CSMD1: variants seen among roughly 807,000 people sequenced by gnomAD.
CSMD1 encodes the protein CUB and Sushi multiple domains 1.
CSMD1 carries 213 observed loss-of-function variants against 417.5 expected under a neutral mutation model. The observed-to-expected ratio is 0.51, with a 90% confidence interval of 0.46 to 0.57. CSMD1 has a LOEUF of 0.57. Among genes scored for constraint, CSMD1 ranks in the 20% least tolerant of loss-of-function variants. CSMD1 has a pLI of 0.00. For synonymous variants in CSMD1, 2,862 were observed against 1,736.8 expected (o/e 1.65, Z -16.11); for missense variants, 6,923 against 4,529.7 (o/e 1.53, Z -15.17).
chr8:4,076,413 T>C (rs1301491908), intron 3 of CSMD1, among the ~76,000 whole-genome samples: 2 of 152,204 alleles, frequency 1.3e-5, no homozygotes, highest in Non-Finnish European at 2.9e-5. Context: ...AATGGACTAA[T>C]ACAATAAGCA....
chr8:3,549,779 C>T (rs1342620827), intron 10 of CSMD1, among the ~76,000 whole-genome samples: 1 of 152,100 alleles, frequency 6.6e-6, no homozygotes, highest in Non-Finnish European at 1.5e-5. Flanking sequence ...GAGTTTTCAG[C>T]CTCCACAACT....
intron 18 of CSMD1, among the ~76,000 whole-genome samples, chr8:3,381,760 G>C (rs1810642536): frequency 6.6e-6 from 1 of 152,152 alleles, no homozygotes; most frequent in African/African-American, 2.4e-5. Context: ...AAAAAATGTA[G>C]AGTGAAAAAT....
intron 15 of CSMD1, among the ~76,000 whole-genome samples, chr8:3,400,524 T>C (rs746965518): frequency 1.3e-5 from 2 of 152,046 alleles, no homozygotes; most frequent in Non-Finnish European, 1.5e-5. Context: ...TTAATTTACG[T>C]CAGGAAACAA....
chr8:3,925,455 G>C (rs1809585827), intron 5 of CSMD1, among the ~76,000 whole-genome samples: 1 of 152,172 alleles, frequency 6.6e-6, no homozygotes, highest in Admixed American at 6.5e-5. Context: ...CTGAAATACA[G>C]TTCAAAAGAT....
chr8:3,463,897 G>C, intron 12 of CSMD1, among the ~76,000 whole-genome samples: 1 of 152,088 alleles, frequency 6.6e-6, no homozygotes, highest in South Asian at 2.1e-4. Context: ...TACACCCTAG[G>C]AGCACAGACC....
chr8:4,850,490 T>A (rs1288528941), intron 1 of CSMD1, among the ~76,000 whole-genome samples: 2 of 150,820 alleles, frequency 1.3e-5, no homozygotes, highest in South Asian at 2.1e-4. Context: ...ACATGACAAT[T>A]GCAAACATTG....
chr8:3,473,887 G>T (rs1021989048), intron 11 of CSMD1, among the ~76,000 whole-genome samples: 4 of 152,086 alleles, frequency 2.6e-5, no homozygotes, highest in African/African-American at 9.7e-5. Flanking sequence ...TACAATCATG[G>T]TAGAGGGTGA....
intron 1 of CSMD1, among the ~76,000 whole-genome samples, chr8:4,990,975 T>C (rs2117478270): frequency 6.6e-6 from 1 of 152,288 alleles, no homozygotes; most frequent in East Asian, 1.9e-4. Flanking sequence ...CTTTAACGAA[T>C]GTTCCACCTT....
At chr8:4,955,176 C>T (rs758295127) in intron 1 of CSMD1, among the ~76,000 whole-genome samples, 7 of 152,180 alleles carry the variant, frequency 4.6e-5, no homozygotes, top group Non-Finnish European at 7.4e-5. Context: ...TGCAGACCTA[C>T]GGGGCTGTTC....
At chr8:3,474,476 A>G (rs994862753) in intron 11 of CSMD1, among the ~76,000 whole-genome samples, 1 of 152,134 alleles carries the variant, frequency 6.6e-6, no homozygotes, top group Non-Finnish European at 1.5e-5. Context: ...CCATCCACCA[A>G]AAATTTGGTA....
At chr8:4,366,537 C>G (rs1236449964) in intron 3 of CSMD1, among the ~76,000 whole-genome samples, 1 of 152,106 alleles carries the variant, frequency 6.6e-6, no homozygotes, top group East Asian at 1.9e-4. Context: ...ATTTGCATTC[C>G]ACTCACAGCA....
intron 6 of CSMD1, among the ~76,000 whole-genome samples, chr8:3,734,391 G>T (rs910066284): frequency 6.6e-6 from 1 of 152,196 alleles, no homozygotes; most frequent in African/African-American, 2.4e-5. Flanking sequence ...CTGCCTGGAA[G>T]CATTGGGAAC....
chr8:3,404,778 T>C (rs559659275), intron 15 of CSMD1, among the ~76,000 whole-genome samples: 10 of 136,492 alleles, frequency 7.3e-5, no homozygotes, highest in Non-Finnish European at 1.3e-4. Context: ...CACATGTGCC[T>C]GCATCCTCTG....
intron 60 of CSMD1, among the ~76,000 whole-genome samples, 184 bp downstream of exon 60, chr8:2,963,038 G>C (rs1803637903): frequency 6.6e-6 from 1 of 152,124 alleles, no homozygotes; most frequent in African/African-American, 2.4e-5. Flanking sequence ...ACAGAGTGAG[G>C]ACCTGTCTCA....
chr8:4,760,015 T>A (rs1432172174), intron 1 of CSMD1, among the ~76,000 whole-genome samples: 1 of 152,190 alleles, frequency 6.6e-6, no homozygotes, highest in Admixed American at 6.5e-5. Context: ...TTGAACTAAT[T>A]TACATTCCAC....
chr8:4,090,508 T>C (rs1050906544), intron 3 of CSMD1, among the ~76,000 whole-genome samples: 1 of 152,200 alleles, frequency 6.6e-6, no homozygotes, highest in Non-Finnish European at 1.5e-5. Context: ...TACTGCTTCA[T>C]GGAAAGCTTT....
intron 10 of CSMD1, among the ~76,000 whole-genome samples, chr8:3,504,597 C>A (rs147211230): frequency 3.9e-5 from 6 of 152,268 alleles, no homozygotes; most frequent in African/African-American, 1.4e-4. Context: ...TCTCACGAGT[C>A]TTTATAACCA....
At chr8:4,510,389 C>CAAA (rs1563243981) in intron 2 of CSMD1, among the ~76,000 whole-genome samples, 1 of 10,960 alleles carries the variant, frequency 9.1e-5, no homozygotes, top group African/African-American at 4.1e-4. Flanking sequence ...AGCATAATGC[C>CAAA]TAAAAAAAAA....
chr8:3,075,437 A>C (rs976657282), intron 49 of CSMD1, among the ~76,000 whole-genome samples: 1 of 151,678 alleles, frequency 6.6e-6, no homozygotes. Flanking sequence ...ATGCACCACC[A>C]TGCCTGGCTA....
Sources: gnomAD v4.1 joint callset for allele counts (sites outside exome capture counted in the v4.1 genomes callset) on GRCh38, gnomAD v4.1.1 for gene constraint, MANE v1.5 for transcripts, NCBI Gene and HGNC (gene_info 2026-07-23, HGNC 2026-07-21) for gene names.